Variants in LRP8 observed in about 807,000 individuals in gnomAD.
LRP8 encodes low-density lipoprotein receptor-related protein 8.
Under a neutral mutation model 111.6 loss-of-function variants are expected in LRP8, and 46 were observed. The ratio of observed to expected loss-of-function variants is 0.41; its 90% CI spans 0.33 to 0.53. The LOEUF is 0.53. LRP8 is among the 20% of genes least tolerant of loss of function. The probability of loss-of-function intolerance (pLI) is 0.20; values close to 1 mark genes in which losing one functional copy is unlikely to be tolerated. For synonymous variants in LRP8, 464 were observed against 511.2 expected (o/e 0.91, Z 1.24); for missense variants, 959 against 1,297.4 (o/e 0.74, Z 4.01).
Position 53,247,062 on chromosome 1 carries a change from G to T in LRP8, c.2854-6C>A. 1.3e-6 allele frequency: 2 copies of T among 1,591,896 alleles called. No individual in the cohort carries two copies. Among genetic ancestry groups the T allele is most frequent in the East Asian group, 2.3e-5 (1 of 44,314 alleles). On this transcript the variant is annotated splice_polypyrimidine_tract_variant and splice_region_variant and intron_variant, in intron 18 of 18. Coordinates refer to ENST00000306052, the MANE Select transcript of LRP8 (RefSeq NM_004631.5). The stretch of plus-strand genomic sequence containing the variant: ...TCAAGGCTTAATGCCACTCGCTGGG[G>T]AGACAAACCAAAGAATTCATCATTA...
intron 2 of LRP8, among the ~76,000 whole-genome samples, chr1:53,301,980 C>G (rs1475053944): frequency 6.6e-6 from 1 of 152,112 alleles, no homozygotes; most frequent in Non-Finnish European, 1.5e-5. Flanking sequence ...CTCTGGACCC[C>G]AGTGCCTCAG....
intron 2 of LRP8, among the ~76,000 whole-genome samples, chr1:53,324,362 TCTTCAGTTTCC>T (rs2100554142): frequency 6.6e-6 from 1 of 152,272 alleles, no homozygotes; most frequent in East Asian, 1.9e-4. Context: ...CCACTCCGTT[TCTTCAGTTTCC>T]CTTTATGGCT....
rs115404423 is a variant in LRP8 at position 53,275,349 on chromosome 1, A to T, written c.1006+282T>A. ...TGGGAACTAGTGAGGGAAGCCACTC[A>T]CCAGCTGGGACCTGGACAAGTGGTG... On this transcript the variant is annotated intron_variant, in intron 6 of 18. Transcript: ENST00000306052. The surrounding 1 kb of genome is among the most constrained non-coding windows in gnomAD (Gnocchi z 4.4). 2.7e-3 allele frequency among the ~76,000 whole-genome samples: 405 copies of T among 152,236 alleles called. 3 individuals are homozygous for T. Among genetic ancestry groups the T allele is most frequent in the African/African-American group, 9.1e-3 (380 of 41,540 alleles).
At chr1:53,316,348 T>C (rs1324437511) in intron 2 of LRP8, among the ~76,000 whole-genome samples, 1 of 152,118 alleles carries the variant, frequency 6.6e-6, no homozygotes, top group Non-Finnish European at 1.5e-5. Context: ...GAGTGTTGCA[T>C]AGGCAGCTGA....
intron 16 of LRP8, among the ~76,000 whole-genome samples, 184 bp downstream of exon 16, chr1:53,254,933 G>A (rs1263630010): frequency 6.6e-6 from 1 of 152,138 alleles, no homozygotes; most frequent in Non-Finnish European, 1.5e-5. Flanking sequence ...CTGGGGCCAG[G>A]TCCTGAAGAG....
chr1:53,326,846 G>C, intron 2 of LRP8, 27 bp downstream of exon 2: 1 of 1,608,802 alleles, frequency 6.2e-7, no homozygotes, highest in Non-Finnish European at 8.5e-7. Context: ...CTCTCCCCGG[G>C]TCTGAGCTCC....
intron 3 of LRP8, among the ~76,000 whole-genome samples, chr1:53,283,356 G>A (rs1443751533): frequency 6.6e-6 from 1 of 152,000 alleles, no homozygotes; most frequent in Admixed American, 6.6e-5. Flanking sequence ...CAGGCCTTGC[G>A]GGCTGCCAGT....
rs1248521272 is a variant in LRP8 at position 53,249,341 on chromosome 1, A to G, written c.2853+39T>C. On this transcript the variant is annotated intron_variant, in intron 18 of 18. Coordinates refer to ENST00000306052, the MANE Select transcript of LRP8 (RefSeq NM_004631.5). The surrounding 1 kb of genome is among the most constrained non-coding windows in gnomAD (Gnocchi z 4.1). ...TGCGCCTGCCTTGGTTCATGCCCTCACTCACCAGCCCCTCAGACTTAGAGT... is the reference window on the plus strand; with the variant it reads ...TGCGCCTGCCTTGGTTCATGCCCTCGCTCACCAGCCCCTCAGACTTAGAGT... The G allele has an allele frequency of 2.5e-6, 4 of 1,601,148 alleles. No homozygotes were observed.
chr1:53,320,419 C>A (rs139450489), intron 2 of LRP8, among the ~76,000 whole-genome samples: 1 of 152,190 alleles, frequency 6.6e-6, no homozygotes, highest in Non-Finnish European at 1.5e-5. Context: ...GAGAATGGTG[C>A]CCTACTGACG....
intron 14 of LRP8, 69 bp downstream of exon 14, chr1:53,258,250 C>A (rs1646177568): frequency 1.3e-6 from 2 of 1,484,112 alleles, no homozygotes; most frequent in South Asian, 2.6e-5. Context: ...TCCCAGAAGC[C>A]AAGGGAAGAT....
At chr1:53,314,227 G>A (rs1043269127) in intron 2 of LRP8, among the ~76,000 whole-genome samples, 1 of 152,242 alleles carries the variant, frequency 6.6e-6, no homozygotes, top group Non-Finnish European at 1.5e-5. Flanking sequence ...CTACCCAGGA[G>A]AGCAAGCTGT....
chr1:53,270,010 G>A (rs1487382156), intron 8 of LRP8, among the ~76,000 whole-genome samples: 1 of 151,998 alleles, frequency 6.6e-6, no homozygotes, highest in African/African-American at 2.4e-5. Context: ...TGTAGTCTCT[G>A]TGTGGTTCAT....
At chr1:53,298,061 G>A (rs1438953701) in intron 2 of LRP8, among the ~76,000 whole-genome samples, 2 of 152,148 alleles carry the variant, frequency 1.3e-5, no homozygotes, top group Non-Finnish European at 2.9e-5. Context: ...CCCGTCACAC[G>A]GAGGGGTTGT....
At chr1:53,314,049 C>G (rs12063784) in intron 2 of LRP8, among the ~76,000 whole-genome samples, 6,698 of 152,140 alleles carry the variant, frequency 0.044, 487 homozygotes, top group African/African-American at 0.15. Flanking sequence ...CAAGGTGAGG[C>G]CTTGGGGGAA....
rs899907493 is a variant in LRP8 at position 53,270,949 on chromosome 1, G to T, written c.1252+79C>A. The T allele has an allele frequency of 5.6e-6, 9 of 1,600,152 alleles. No homozygotes were observed. In the African/African-American group the frequency reaches 6.7e-5, roughly 12 times the overall value. On this transcript the variant is annotated intron_variant, in intron 8 of 18. Transcript: ENST00000306052. ...TTCTTGTGTGTGCGCACATGTACAC[G>T]CCCACTCCTCACAAGTGGAAGCACG... is the stretch of plus-strand genomic sequence containing the variant.
At position 53,316,675 on chromosome 1, in the gene LRP8, G is replaced by A. The variant is rs1220045919; in HGVS notation, c.244+10198C>T. ...GAAAACAAAAGAATTCCACAGAATG[G>A]GATTGAGAGGGGCTGGAGATGCCCT... On this transcript the variant is annotated intron_variant, in intron 2 of 18. Coordinates refer to ENST00000306052, the MANE Select transcript of LRP8 (RefSeq NM_004631.5). 4.6e-5 allele frequency among the ~76,000 whole-genome samples: 7 copies of A among 152,252 alleles called. No homozygotes were observed. The South Asian group carries it at 6.2e-4, about 13-fold the overall frequency.
intron 2 of LRP8, among the ~76,000 whole-genome samples, chr1:53,324,121 CA>C (rs1415138277): frequency 6.6e-6 from 1 of 152,192 alleles, no homozygotes; most frequent in Non-Finnish European, 1.5e-5. Context: ...AGAGGGTGGT[CA>C]GGGGTAAGGC....
rs61769627 is a variant in LRP8 at position 53,258,698 on chromosome 1, G to A, written c.2057-227C>T. ...TAGTGGTGAATTCTGGTACTTTAGC[G>A]CACCTGTAACCCAAGTGTAGTGTAC... On this transcript the variant is annotated intron_variant, in intron 13 of 18. Transcript: ENST00000306052. 9.6e-3 allele frequency among the ~76,000 whole-genome samples: 1,452 copies of A among 151,318 alleles called. 11 individuals are homozygous for A. Among genetic ancestry groups the A allele is most frequent in the South Asian group, 0.037 (178 of 4,782 alleles).
chr1:53,325,746 T>C (rs1213345128), intron 2 of LRP8, among the ~76,000 whole-genome samples: 1 of 152,164 alleles, frequency 6.6e-6, no homozygotes, highest in African/African-American at 2.4e-5. Flanking sequence ...TGTGGGCCTG[T>C]CCACCTGTCG....
Sources: gnomAD v4.1 joint callset for allele counts (sites outside exome capture counted in the v4.1 genomes callset) on GRCh38, gnomAD v4.1.1 for gene constraint, Gnocchi (gnomAD v3.1) non-coding constraint, MANE v1.5 for transcripts, NCBI Gene and HGNC (gene_info 2026-07-23, HGNC 2026-07-21) for gene names.